The following ASPA variants were observed in gnomAD, a reference collection of about 807,000 sequenced individuals.
ASPA encodes aspartoacylase.
In ASPA, 25 loss-of-function variants were observed where a neutral mutation model predicts 29.6. The observed-to-expected ratio is 0.85, with a 90% CI of 0.62 to 1.18. The LOEUF (loss-of-function observed/expected upper bound fraction) is 1.18, where lower values mean the gene tolerates loss of function less well. Ranked by LOEUF, ASPA falls within the 50% of genes most tolerant of loss-of-function variation. The pLI is 0.00. For missense variants in ASPA, 333 were observed against 385.7 expected (o/e 0.86, Z 1.14); for synonymous variants, 131 against 130.3 (o/e 1.01, Z -0.04).
rs1597432510 is a variant in ASPA at position 3,483,600 on chromosome 17, A to G, written c.526+8A>G. On this transcript the variant is annotated splice_region_variant and intron_variant, in intron 3 of 5. Transcript: ENST00000263080. ...TAGCCAAGTATCCTGTGGGTAAGTC[A>G]TAGTTCCCACTGTCATAACTCAATA... 1 of 1,597,066 alleles carries G rather than the reference A, an allele frequency of 6.3e-7. No individual in the cohort carries two copies. The highest frequency in any genetic ancestry group is 8.6e-7 in the Non-Finnish European group (1 of 1,164,434).
intron 5 of ASPA, among the ~76,000 whole-genome samples, chr17:3,498,514 A>T (rs1567619567): frequency 1.3e-5 from 2 of 151,820 alleles, no homozygotes. Flanking sequence ...CACCCAGCTA[A>T]TTTTTCGTAT....
At chr17:3,480,651 T>G (rs1597428628) in intron 1 of ASPA, among the ~76,000 whole-genome samples, 2 of 152,350 alleles carry the variant, frequency 1.3e-5, no homozygotes, top group African/African-American at 4.8e-5. Context: ...GCATGACTCC[T>G]AAACCATAAT....
At chr17:3,493,326 G>A (rs1331177329) in intron 4 of ASPA, among the ~76,000 whole-genome samples, 1 of 152,124 alleles carries the variant, frequency 6.6e-6, no homozygotes, top group Non-Finnish European at 1.5e-5. Flanking sequence ...ACTTGGGGAG[G>A]CTGAGGCGGG....
chr17:3,489,288 C>T lies in ASPA; in HGVS notation c.580C>T (p.Gln194Ter), dbSNP rs1482032907. ...QGVLRADILDQMRKMIKHALD... is the reference protein window; with the variant it reads ...QGVLRADILD ...GGTTCTGAGAGCTGATATCTTGGAT[C>T]AAATGAGAAAAATGATTAAACATGC... The change falls in exon 4 of 6, where the codon CAA becomes TAA. Residue 194 changes from glutamine to a stop codon, truncating the protein, a stop_gained. Transcript: ENST00000263080. LOFTEE classifies it high-confidence loss of function. 6.2e-7 allele frequency: 1 copy of T among 1,613,174 alleles called. No homozygotes were observed. The highest frequency in any genetic ancestry group is 1.7e-5 in the Admixed American group (1 of 59,990).
Position 3,486,934 on chromosome 17 carries a change from C to A in ASPA, c.527-2301C>A, listed in dbSNP as rs1015868483. Among the ~76,000 whole-genome samples, 61 of 152,158 alleles carry A rather than the reference C, an allele frequency of 4.0e-4. 1 individual carries two copies. The highest frequency in any genetic ancestry group is 2.1e-4 in the South Asian group (1 of 4,820). On this transcript the variant is annotated intron_variant, in intron 3 of 5. Coordinates refer to ENST00000263080, the MANE Select transcript of ASPA (RefSeq NM_000049.4). ...ATGGCTATGGCAGAGTCAGGGGTGG[C>A]GTTGAATGAATAATAATTACACAAA...
chr17:3,481,635 T>C lies in ASPA; in HGVS notation c.269T>C (p.Val90Ala), dbSNP rs2073629715. 1.9e-6 allele frequency: 3 copies of C among 1,613,802 alleles called. No individual in the cohort carries two copies. The highest frequency in any genetic ancestry group is 4.5e-5 in the East Asian group (2 of 44,820). The change falls in exon 2 of 6, where the codon GTG becomes GCG. Residue 90 changes from valine (V) to alanine (A), a missense_variant. By Grantham distance (64) the Val-to-Ala change is moderately conservative. Coordinates refer to ENST00000263080, the MANE Select transcript of ASPA (RefSeq NM_000049.4). ...ATGTCAGAAGATTTGCCATATGAAG[T>C]GAGAAGGGCTCAAGAAATAAATCAT... Reference protein sequence around the residue: ...KKMSEDLPYEVRRAQEINHLF... With the variant: ...KKMSEDLPYEARRAQEINHLF...
intron 2 of ASPA, 139 bp downstream of exon 2, chr17:3,481,937 T>C (rs745511923): frequency 1.1e-4 from 92 of 809,332 alleles, no homozygotes; most frequent in Admixed American, 1.8e-4. Flanking sequence ...GGCTTGGTGG[T>C]TGGGGGGAAA....
chr17:3,496,745 C>T lies in ASPA; in HGVS notation c.745-2146C>T, dbSNP rs117934665. Among the ~76,000 whole-genome samples, 18 of 152,318 alleles carry T rather than the reference C, an allele frequency of 1.2e-4. No individual in the cohort carries two copies. The East Asian group carries it at 3.5e-3, about 29-fold the overall frequency. Reference sequence around the variant, plus strand: ...AGTAGCGCTTCTCAAACTTGAGCCACATGACAATTATGGGGAGCTTTTTAA... The same window carrying T: ...AGTAGCGCTTCTCAAACTTGAGCCATATGACAATTATGGGGAGCTTTTTAA... On this transcript the variant is annotated intron_variant, in intron 5 of 5. Transcript: ENST00000263080.
intron 2 of ASPA, 32 bp downstream of exon 2, chr17:3,481,830 C>G (rs1331503981): frequency 7.2e-6 from 11 of 1,530,374 alleles, no homozygotes; most frequent in Non-Finnish European, 9.8e-6. Flanking sequence ...TATAAGTTAG[C>G]AAAGGACTTG....
Position 3,476,395 on chromosome 17 carries a change from G to T in ASPA, c.236G>T (p.Gly79Val), listed in dbSNP as rs1461175227. Residue 79 changes from glycine to valine, a missense_variant and splice_region_variant, in exon 1 of 6, where the codon GGC becomes GTC. Physicochemically the swap from Gly to Val is moderately radical, Grantham distance 109 (BLOSUM62 -3). Coordinates refer to ENST00000263080, the MANE Select transcript of ASPA (RefSeq NM_000049.4). Reference sequence around the variant, plus strand: ...CGCATTTTTGACCTTGAAAATCTTGGGTAAGACTATGCTTTGTATTGTATA... The same window carrying T: ...CGCATTTTTGACCTTGAAAATCTTGTGTAAGACTATGCTTTGTATTGTATA... ...LNRIFDLENL[G>V]KKMSEDLPYE... 6.2e-7 allele frequency: 1 copy of T among 1,613,364 alleles called. No individual in the cohort carries two copies. The highest frequency in any genetic ancestry group is 1.1e-5 in the South Asian group (1 of 91,064).
intron 4 of ASPA, among the ~76,000 whole-genome samples, chr17:3,493,004 T>C (rs138504334): frequency 1.3e-5 from 2 of 152,350 alleles, no homozygotes; most frequent in South Asian, 2.1e-4. Flanking sequence ...TCACTGGGCA[T>C]ACCCATTCTA....
chr17:3,477,059 G>T (rs1464979300), intron 1 of ASPA, among the ~76,000 whole-genome samples: 2 of 152,218 alleles, frequency 1.3e-5, no homozygotes, highest in Non-Finnish European at 2.9e-5. Flanking sequence ...GGAGGCTGAG[G>T]CAGGAGAATG....
rs551956294 is a variant in ASPA, at chr17:3,490,543, A to G, written c.634+1201A>G. Among the ~76,000 whole-genome samples the G allele has an allele frequency of 7.7e-4, 115 of 149,634 alleles. No homozygotes were observed. The highest frequency in any genetic ancestry group is 1.5e-3 in the Non-Finnish European group (102 of 66,940). Reference sequence around the variant, plus strand: ...AATTCCTCAACCTCAGATCGTGCGCACCCCACTGCAATCACAGACATTCGT... The same window carrying G: ...AATTCCTCAACCTCAGATCGTGCGCGCCCCACTGCAATCACAGACATTCGT... On this transcript the variant is annotated intron_variant, in intron 4 of 5. Coordinates refer to ENST00000263080, the MANE Select transcript of ASPA (RefSeq NM_000049.4). This position sits in a 1 kb window ranked among gnomAD's most constrained non-coding sequence, Gnocchi z 4.6.
intron 4 of ASPA, among the ~76,000 whole-genome samples, chr17:3,492,832 G>A (rs2035938): frequency 0.44 from 67,356 of 151,952 alleles, 16,321 homozygotes; most frequent in Non-Finnish European, 0.55. Context: ...TACCACAAAG[G>A]CAGGAGCAAA....
intron 1 of ASPA, among the ~76,000 whole-genome samples, chr17:3,479,787 A>G (rs1024791642): frequency 2.0e-5 from 3 of 152,218 alleles, no homozygotes; most frequent in Non-Finnish European, 4.4e-5. Context: ...TGTACACAGT[A>G]GGTCCCTTGA....
At chr17:3,477,476 G>A (rs2073546154) in intron 1 of ASPA, among the ~76,000 whole-genome samples, 1 of 152,012 alleles carries the variant, frequency 6.6e-6, no homozygotes, top group Admixed American at 6.6e-5. Context: ...TTTTTGAGAT[G>A]GAGTTTCGCT....
At chr17:3,498,389 C>A (rs555386194) in intron 5 of ASPA, among the ~76,000 whole-genome samples, 1 of 152,212 alleles carries the variant, frequency 6.6e-6, no homozygotes, top group Non-Finnish European at 1.5e-5. Flanking sequence ...TTCTGTCACC[C>A]AGGCTGGAGT....
chr17:3,489,398 A>C, intron 4 of ASPA, 56 bp downstream of exon 4: 1 of 1,398,850 alleles, frequency 7.1e-7, no homozygotes, highest in Non-Finnish European at 1.0e-6. Context: ...TTTAAATAAC[A>C]ATTGGAACCT....
At chr17:3,496,990 C>T (rs773682854) in intron 5 of ASPA, among the ~76,000 whole-genome samples, 28 of 152,148 alleles carry the variant, frequency 1.8e-4, no homozygotes, top group South Asian at 6.2e-4. Context: ...TGCTTGAACT[C>T]GGGAGGTGAA....
Sources: gnomAD v4.1 joint callset for allele counts (sites outside exome capture counted in the v4.1 genomes callset) on GRCh38, gnomAD v4.1.1 for gene constraint, Gnocchi (gnomAD v3.1) non-coding constraint, MANE v1.5 for transcripts, NCBI Gene and HGNC (gene_info 2026-07-23, HGNC 2026-07-21) for gene names.